TEX26: variants seen among roughly 807,000 people sequenced by gnomAD.
The protein encoded by TEX26 is testis expressed 26.
A neutral mutation model predicts 35.3 loss-of-function variants in TEX26; 34 were observed. The observed-to-expected ratio is 0.96, with a 90% CI of 0.73 to 1.28. TEX26 has a LOEUF of 1.28. TEX26 is among the 50% of genes most tolerant of loss of function. The pLI is 0.00. For synonymous variants in TEX26, 136 were observed against 111.8 expected, an observed-to-expected ratio of 1.22 and a Z score of -1.36; for missense variants, 371 against 330.1, an observed-to-expected ratio of 1.12 and a Z score of -0.96.
rs556010911 is a variant in TEX26, at chr13:30,944,420, A to AT, written c.146+4651dup. Among the ~76,000 whole-genome samples the AT allele has an allele frequency of 3.0e-4, 45 of 149,662 alleles. 1 individual carries two copies. Among genetic ancestry groups the AT allele is most frequent in the East Asian group, 9.9e-4 (5 of 5,076 alleles). On this transcript the variant is annotated intron_variant, in intron 2 of 6. Transcript: ENST00000380473. ...AAAGAACAAGCTTTTTGTTTCATTG[A>AT]TTTTTTTTTGCTGTTTAATTTCATT...
At chr13:30,972,885 C>T (rs2138360121) in intron 6 of TEX26, among the ~76,000 whole-genome samples, 1 of 152,368 alleles carries the variant, frequency 6.6e-6, no homozygotes, top group East Asian at 1.9e-4. Flanking sequence ...GATCCACCTG[C>T]CTTGGCCTTC....
chr13:30,967,306 T>G (rs1412121607), intron 5 of TEX26, among the ~76,000 whole-genome samples: 1 of 152,128 alleles, frequency 6.6e-6, no homozygotes. Context: ...AGAAATTACC[T>G]CATCCAGAGC....
chr13:30,970,820 TC>T (rs552633224), intron 6 of TEX26, among the ~76,000 whole-genome samples: 62 of 152,226 alleles, frequency 4.1e-4, no homozygotes, highest in African/African-American at 1.4e-3. Flanking sequence ...TCTGGCAGCC[TC>T]AGATCTACAT....
chr13:30,969,178 A>AC (rs1954638325), intron 6 of TEX26, 132 bp downstream of exon 6: 2 of 874,072 alleles, frequency 2.3e-6, no homozygotes, highest in Admixed American at 2.9e-5. Flanking sequence ...AAAAAAAAAA[A>AC]AACTCATAGT....
In TEX26 at chr13:30,975,265, T is replaced by C. The variant is rs1266327199; in HGVS notation, c.*358T>C. ...ATCAGAGACTTAAGAAATCATTTTATTGCCTTATCTCTTCTTTGAATGAAT... is the reference window on the plus strand; with the variant it reads ...ATCAGAGACTTAAGAAATCATTTTACTGCCTTATCTCTTCTTTGAATGAAT... On this transcript the variant is annotated 3_prime_UTR_variant, in exon 7 of 7. Coordinates refer to ENST00000380473, the MANE Select transcript of TEX26 (RefSeq NM_152325.3). 6.3e-6 allele frequency: 1 copy of C among 158,672 alleles called. No homozygotes were observed. Among genetic ancestry groups the C allele is most frequent in the Non-Finnish European group, 1.4e-5 (1 of 72,566 alleles). The allele number at this position is 158,672 out of a possible 1,614,324, so 9.8% of individuals were successfully genotyped here. A position where few individuals can be genotyped will look rare whatever the true frequency, so the allele number is the denominator to read the frequency against.
chr13:30,944,610 T>C (rs1953635363), intron 2 of TEX26, among the ~76,000 whole-genome samples: 1 of 152,030 alleles, frequency 6.6e-6, no homozygotes, highest in South Asian at 2.1e-4. Flanking sequence ...GCACTGCTTT[T>C]ACTGTATCCC....
chr13:30,941,664 G>C (rs1436273159), intron 2 of TEX26, among the ~76,000 whole-genome samples: 1 of 152,056 alleles, frequency 6.6e-6, no homozygotes. Flanking sequence ...CTCTGCTTCT[G>C]AGTCTCCATA....
intron 2 of TEX26, among the ~76,000 whole-genome samples, chr13:30,946,117 A>G (rs931991040): frequency 6.6e-6 from 1 of 151,666 alleles, no homozygotes; most frequent in Admixed American, 6.6e-5. Context: ...ATTCTACATA[A>G]TCCCATATTT....
intron 2 of TEX26, among the ~76,000 whole-genome samples, chr13:30,950,559 C>A (rs1312523493): frequency 6.6e-6 from 1 of 152,176 alleles, no homozygotes; most frequent in African/African-American, 2.4e-5. Context: ...TCTACATCCT[C>A]TCTTCTCTCA....
intron 6 of TEX26, among the ~76,000 whole-genome samples, chr13:30,974,379 C>T (rs1255305721): frequency 1.3e-5 from 2 of 152,050 alleles, no homozygotes; most frequent in African/African-American, 4.8e-5. Context: ...CTGTTTATTA[C>T]TATGCACCCA....
intron 5 of TEX26, 97 bp from the exon 6 acceptor site, chr13:30,968,788 G>A: frequency 8.6e-7 from 1 of 1,162,676 alleles, no homozygotes; most frequent in Non-Finnish European, 1.2e-6. Context: ...TCAAAGCTGG[G>A]CTGGGGGCTG....
At chr13:30,963,524 A>ATT (rs1239477050) in intron 4 of TEX26, among the ~76,000 whole-genome samples, 1 of 152,232 alleles carries the variant, frequency 6.6e-6, no homozygotes, top group Admixed American at 6.5e-5. Flanking sequence ...AACAATATAT[A>ATT]GTTTACTAGG....
intron 6 of TEX26, among the ~76,000 whole-genome samples, chr13:30,969,821 A>C (rs1428721057): frequency 6.6e-6 from 1 of 151,966 alleles, no homozygotes; most frequent in East Asian, 1.9e-4. Context: ...TAAAACATAC[A>C]AACTGTTACA....
intron 6 of TEX26, among the ~76,000 whole-genome samples, chr13:30,971,610 C>G (rs886135024): frequency 1.2e-4 from 18 of 152,182 alleles, no homozygotes; most frequent in African/African-American, 4.3e-4. Flanking sequence ...GGAGAGAGAG[C>G]TGAAGGCAAA....
chr13:30,940,416 C>A (rs1226291142), intron 2 of TEX26, among the ~76,000 whole-genome samples: 1 of 144,950 alleles, frequency 6.9e-6, no homozygotes, highest in Non-Finnish European at 1.5e-5. Flanking sequence ...TCACTGCAAG[C>A]TCCGCCCCCT....
At chr13:30,947,557 C>T (rs1282729604) in intron 2 of TEX26, among the ~76,000 whole-genome samples, 1 of 152,032 alleles carries the variant, frequency 6.6e-6, no homozygotes, top group Non-Finnish European at 1.5e-5. Context: ...ATGATTTGTC[C>T]TCCATTCTTT....
At position 30,966,423 on chromosome 13, in the gene TEX26, T is replaced by G. The variant is rs201261908; in HGVS notation, c.646+25T>G. ...GGTGAGTACAGCTGCAGTTTCTTTT[T>G]CTTTTTCTCTTTTTTTTTTTTTTTT... is the stretch of plus-strand genomic sequence containing the variant. On this transcript the variant is annotated intron_variant, in intron 5 of 6. Coordinates refer to ENST00000380473, the MANE Select transcript of TEX26 (RefSeq NM_152325.3). 128 of 1,516,464 alleles carry G rather than the reference T, an allele frequency of 8.4e-5. No homozygotes were observed. The East Asian group carries it at 2.8e-3, about 33-fold the overall frequency. 93.9% of individuals were successfully genotyped at this position (1,516,464 alleles called of 1,614,324 possible). A position where few individuals can be genotyped will look rare whatever the true frequency, so the allele number is the denominator to read the frequency against.
rs867735516 is a variant in TEX26, at chr13:30,974,137, T to A, written c.809-709T>A. 3.9e-3 allele frequency among the ~76,000 whole-genome samples: 435 copies of A among 110,504 alleles called. 1 individual carries two copies. Among genetic ancestry groups the A allele is most frequent in the African/African-American group, 0.016 (400 of 24,918 alleles). 72.5% of individuals were successfully genotyped at this position (110,504 alleles called of 152,430 possible). On this transcript the variant is annotated intron_variant, in intron 6 of 6. Transcript: ENST00000380473. ...CTCCATCTAAAAAAAAAAAAATATATATATATATATATATATATAATTAGG... is the reference window on the plus strand; with the variant it reads ...CTCCATCTAAAAAAAAAAAAATATAAATATATATATATATATATAATTAGG...
Position 30,966,448 on chromosome 13 carries a change from T to C in TEX26, c.646+50T>C, listed in dbSNP as rs746103263. ...TCTTTTTCTCTTTTTTTTTTTTTTTTTTTTTTGAGACGGAGTTTCCCTCTT... is the reference window on the plus strand; with the variant it reads ...TCTTTTTCTCTTTTTTTTTTTTTTTCTTTTTTGAGACGGAGTTTCCCTCTT... On this transcript the variant is annotated intron_variant, in intron 5 of 6. Coordinates refer to ENST00000380473, the MANE Select transcript of TEX26 (RefSeq NM_152325.3). 39 of 1,442,404 alleles carry C rather than the reference T, an allele frequency of 2.7e-5. No individual in the cohort carries two copies. The South Asian group carries it at 5.2e-4, about 19-fold the overall frequency. 89.4% of individuals were successfully genotyped at this position (1,442,404 alleles called of 1,614,324 possible).
Sources: allele counts gnomAD v4.1 joint callset (sites outside exome capture counted in the v4.1 genomes callset), GRCh38; gene constraint gnomAD v4.1.1; transcripts MANE v1.5; gene names NCBI Gene and HGNC (gene_info 2026-07-23, HGNC 2026-07-21).